Variants in TMEM223 observed in about 807,000 individuals in gnomAD.
TMEM223 encodes transmembrane protein 223.
Under a neutral mutation model 14.1 loss-of-function variants are expected in TMEM223, and 14 were observed. That is an observed-to-expected ratio of 0.99 (90% CI 0.66 to 1.55). TMEM223 has a LOEUF of 1.55. Among genes scored for constraint, TMEM223 ranks in the 40% most tolerant of loss-of-function variants. TMEM223 has a pLI of 0.00. For missense variants in TMEM223, 346 were observed against 269.9 expected (o/e 1.28, Z -1.97); for synonymous variants, 145 against 120.5 (o/e 1.20, Z -1.33).
At chr11:62,783,003 C>G (rs538182991), downstream of TMEM223, among the ~76,000 whole-genome samples, 1 of 152,224 alleles carries the variant, frequency 6.6e-6, no homozygotes, top group Non-Finnish European at 1.5e-5. Flanking sequence ...CTTATCCTTT[C>G]GAAAGTCCTA....
At chr11:62,786,552 GGCA>G (rs752252386), downstream of TMEM223, 1 of 1,556,028 alleles carries the variant, frequency 6.4e-7, no homozygotes, top group Non-Finnish European at 8.7e-7. Flanking sequence ...TGAAGGCCCA[GGCA>G]GCAGAGCCCA....
downstream of TMEM223, chr11:62,787,052 G>T: frequency 6.6e-7 from 1 of 1,522,680 alleles, no homozygotes; most frequent in South Asian, 1.2e-5. Flanking sequence ...CCCGGGACCG[G>T]CACCCGCGAC....
chr11:62,774,252 A>AT (rs1360167322), intron 2 of TMEM223, among the ~76,000 whole-genome samples: 7 of 151,724 alleles, frequency 4.6e-5, no homozygotes, highest in Admixed American at 4.6e-4. Context: ...AATTTTTTGT[A>AT]TTTTTAGTAG....
chr11:62,776,034 C>T, intron 1 of TMEM223: 1 of 1,379,190 alleles, frequency 7.3e-7, no homozygotes, highest in Non-Finnish European at 9.8e-7. Flanking sequence ...GGTGCCTGCT[C>T]CATACAACAG....
intron 1 of TMEM223, chr11:62,782,406 A>G: frequency 6.7e-7 from 1 of 1,501,470 alleles, no homozygotes; most frequent in Non-Finnish European, 9.1e-7. Context: ...AAATGGGGCG[A>G]AGCCTCTGGC....
chr11:62,778,099 C>G, intron 1 of TMEM223: 3 of 1,614,152 alleles, frequency 1.9e-6, no homozygotes, highest in Non-Finnish European at 2.5e-6. Context: ...ACCAACATCC[C>G]CAAAGGCTGT....
chr11:62,775,835 C>G, intron 1 of TMEM223: 2 of 1,613,016 alleles, frequency 1.2e-6, no homozygotes, highest in Non-Finnish European at 1.7e-6. Context: ...GGAGTCTGTC[C>G]GGCTCATGGC....
chr11:62,787,397 C>T, downstream of TMEM223: 4 of 1,556,620 alleles, frequency 2.6e-6, no homozygotes, highest in South Asian at 3.5e-5. Context: ...GGGCGGGGTG[C>T]TGCTGCAGCG....
At chr11:62,784,268 G>A (rs376799666), downstream of TMEM223, among the ~76,000 whole-genome samples, 10 of 149,788 alleles carry the variant, frequency 6.7e-5, no homozygotes, top group Admixed American at 2.0e-4. Flanking sequence ...GATTACAGGC[G>A]TGAGCCACCG....
At chr11:62,782,209 G>A in intron 1 of TMEM223, 1 of 1,614,232 alleles carries the variant, frequency 6.2e-7, no homozygotes, top group Non-Finnish European at 8.5e-7. Flanking sequence ...GGGGCCCTAT[G>A]TCCGCTGTCT....
rs562596229 is a variant in TMEM223 at position 62,791,588 on chromosome 11, A to G, written c.316+91T>C. The G allele has an allele frequency of 2.2e-6, 3 of 1,379,246 alleles. No individual in the cohort carries two copies. In the South Asian group the frequency reaches 4.5e-5, roughly 21 times the overall value. The allele number at this position is 1,379,246 out of a possible 1,614,324, so 85.4% of individuals were successfully genotyped here. The stretch of plus-strand genomic sequence containing the variant: ...GGTAAAGCCCGCCCGCCACTCTCGG[A>G]TAGGGAGTCCCTGACTCTCCCTGCC... On this transcript the variant is annotated intron_variant, in intron 1 of 1. Coordinates refer to ENST00000307366, the MANE Select transcript of TMEM223 (RefSeq NM_001080501.3).
At chr11:62,781,279 C>T (rs1486870959) in intron 1 of TMEM223, among the ~76,000 whole-genome samples, 1 of 151,836 alleles carries the variant, frequency 6.6e-6, no homozygotes, top group East Asian at 1.9e-4. Context: ...GTCTATTCCT[C>T]CACCTACTTT....
At chr11:62,786,902 C>T, downstream of TMEM223, 1 of 1,527,738 alleles carries the variant, frequency 6.5e-7, no homozygotes, top group Non-Finnish European at 8.7e-7. Flanking sequence ...ACGGCAAGCG[C>T]CATAGTCAGC....
downstream of TMEM223, chr11:62,787,628 C>T (rs1041354142): frequency 6.5e-6 from 9 of 1,384,332 alleles, no homozygotes; most frequent in Middle Eastern, 5.2e-4. Context: ...TGCTCGGAGC[C>T]GGTGGACCTG....
Position 62,790,359 on chromosome 11 carries a change from C to T in TMEM223, c.*264G>A. On this transcript the variant is annotated 3_prime_UTR_variant, in exon 2 of 2. Coordinates refer to ENST00000307366, the MANE Select transcript of TMEM223 (RefSeq NM_001080501.3). ...TAGGCAGCTGCCCTAGGGATGACTG[C>T]TCCTTTATTTGTTGTTAATGAATCT... 1.8e-6 allele frequency: 1 copy of T among 543,776 alleles called. No homozygotes were observed. The highest frequency in any genetic ancestry group is 3.2e-6 in the Non-Finnish European group (1 of 311,220). 33.7% of individuals were successfully genotyped at this position (543,776 alleles called of 1,614,324 possible).
downstream of TMEM223, chr11:62,782,840 C>T: frequency 6.2e-7 from 1 of 1,613,330 alleles, no homozygotes; most frequent in Non-Finnish European, 8.5e-7. Context: ...GCACCCTGGC[C>T]TTTCTCACAC....
chr11:62,786,386 C>T (rs201909306), downstream of TMEM223: 134 of 1,613,252 alleles, frequency 8.3e-5, no homozygotes, highest in Non-Finnish European at 9.9e-5. Context: ...TGGAGCCATT[C>T]TGGTGAGTAC....
At chr11:62,787,750 G>A (rs185978383), downstream of TMEM223, 829 of 686,318 alleles carry the variant, frequency 1.2e-3, 1 homozygote, top group Non-Finnish European at 1.3e-3. Context: ...CAAAGGGACG[G>A]GTCAGTAGCG....
chr11:62,787,311 C>A (rs200498794), downstream of TMEM223: 158 of 1,529,966 alleles, frequency 1.0e-4, no homozygotes, highest in East Asian at 1.6e-3. Context: ...GTGGCCCCTT[C>A]GTTCCTTGTA....
Sources: allele counts gnomAD v4.1 joint callset (sites outside exome capture counted in the v4.1 genomes callset), GRCh38; gene constraint gnomAD v4.1.1; transcripts MANE v1.5; gene names NCBI Gene and HGNC (gene_info 2026-07-23, HGNC 2026-07-21).